Variants in CAPN3 observed in about 807,000 individuals in gnomAD.
The protein encoded by CAPN3 is calpain-3.
CAPN3 carries 88 observed loss-of-function variants against 114.0 expected under a neutral mutation model. The observed-to-expected ratio is 0.77, with a 90% CI of 0.65 to 0.92. The LOEUF is 0.92. CAPN3 is among the 40% of genes least tolerant of loss of function. CAPN3 has a pLI of 0.00. For missense variants in CAPN3, 1,028 were observed against 1,069.0 expected (o/e 0.96, Z 0.53); for synonymous variants, 386 against 382.9 (o/e 1.01, Z -0.09).
intron 1 of CAPN3, among the ~76,000 whole-genome samples, chr15:42,363,458 T>G (rs1395037544): frequency 1.3e-5 from 2 of 152,042 alleles, no homozygotes; most frequent in Admixed American, 1.3e-4. Context: ...GGTGGAAGGT[T>G]CAATTGCACC....
intron 5 of CAPN3, 107 bp from the exon 6 acceptor site, chr15:42,389,846 C>G: frequency 8.4e-7 from 1 of 1,184,110 alleles, no homozygotes; most frequent in Non-Finnish European, 1.2e-6. Context: ...TCTCCTCTCT[C>G]CCTTTGTCTG....
chr15:42,404,724 C>T, intron 14 of CAPN3: 8 of 1,158,442 alleles, frequency 6.9e-6, no homozygotes, highest in Non-Finnish European at 8.6e-6. Flanking sequence ...TGACGTAGGC[C>T]AATGGGAGGA....
At chr15:42,369,869 TC>T (rs1374562705) in intron 1 of CAPN3, among the ~76,000 whole-genome samples, 2,859 of 138,716 alleles carry the variant, frequency 0.021, 80 homozygotes, top group African/African-American at 0.074. Flanking sequence ...TTTCTTTCTT[TC>T]TTTTTTTTTT....
In CAPN3 at chr15:42,411,693, G is replaced by C. The variant is rs866034626; in HGVS notation, c.2440-54G>C. 401 of 708,648 alleles carry C rather than the reference G, an allele frequency of 5.7e-4. 9 individuals carry two copies. The highest frequency in any genetic ancestry group is 2.4e-3 in the East Asian group (69 of 28,252). 43.9% of individuals were successfully genotyped at this position (708,648 alleles called of 1,614,324 possible). On this transcript the variant is annotated intron_variant, in intron 23 of 23. Transcript: ENST00000397163. ...GCCCCGTAAGATTCCTAGGGCGGGGGGGGGGGGGGTCACTCTTTTCTGATC... is the reference window on the plus strand; with the variant it reads ...GCCCCGTAAGATTCCTAGGGCGGGGCGGGGGGGGGTCACTCTTTTCTGATC...
chr15:42,402,693 G>T, intron 12 of CAPN3, 101 bp from the exon 13 acceptor site: 1 of 1,571,864 alleles, frequency 6.4e-7, no homozygotes. Context: ...CTGTGACATG[G>T]GTGACCAGGG....
At chr15:42,403,650 G>A in intron 13 of CAPN3, 91 bp from the exon 14 acceptor site, 1 of 1,234,112 alleles carries the variant, frequency 8.1e-7, no homozygotes, top group Non-Finnish European at 1.2e-6. Context: ...TGGCTTGGCT[G>A]CCAGGAAGCC....
chr15:42,402,786 T>A lies in CAPN3; in HGVS notation c.1537-8T>A. ...GCTCATGTGCCCTGGGCTCTCCCCA[T>A]CTCTCAGATGCACGGGAACAAGCAG... is the stretch of plus-strand genomic sequence containing the variant. On this transcript the variant is annotated splice_region_variant and splice_polypyrimidine_tract_variant and intron_variant, in intron 12 of 23. Transcript: ENST00000397163. 1 of 1,613,846 alleles carries A rather than the reference T, an allele frequency of 6.2e-7. No homozygotes were observed. The highest frequency in any genetic ancestry group is 1.1e-5 in the South Asian group (1 of 91,062).
chr15:42,402,145 C>T lies in CAPN3; in HGVS notation c.1536+10C>T, dbSNP rs1436993078. 3 of 1,614,112 alleles carry T rather than the reference C, an allele frequency of 1.9e-6. No homozygotes were observed. Among genetic ancestry groups the T allele is most frequent in the African/African-American group, 2.7e-5 (2 of 75,046 alleles). ...CAAGGTTCCCAAAGAGGTATAGCAG[C>T]AGCAGCGGCCAGCAGTTGTGTGCAG... On this transcript the variant is annotated intron_variant, in intron 12 of 23. Coordinates refer to ENST00000397163, the MANE Select transcript of CAPN3 (RefSeq NM_000070.3).
intron 8 of CAPN3, among the ~76,000 whole-genome samples, chr15:42,396,545 C>T (rs1407322704): frequency 6.6e-6 from 1 of 152,048 alleles, no homozygotes; most frequent in African/African-American, 2.4e-5. Flanking sequence ...CAGCCCAGAA[C>T]TCAATTCTTA....
intron 1 of CAPN3, among the ~76,000 whole-genome samples, chr15:42,381,480 G>A (rs919681309): frequency 2.0e-5 from 3 of 151,986 alleles, no homozygotes; most frequent in Non-Finnish European, 2.9e-5. Flanking sequence ...TTCATTGCCC[G>A]AACACTATAG....
intron 7 of CAPN3, among the ~76,000 whole-genome samples, chr15:42,393,757 C>A (rs1490767539): frequency 1.3e-5 from 2 of 151,976 alleles, no homozygotes; most frequent in Non-Finnish European, 2.9e-5. Flanking sequence ...CCATGCCCAG[C>A]TAATTTTTGT....
chr15:42,390,215 T>A (rs1776650943), intron 6 of CAPN3, 119 bp downstream of exon 6: 2 of 1,134,480 alleles, frequency 1.8e-6, no homozygotes, highest in Non-Finnish European at 2.6e-6. Context: ...ACCTGGCACC[T>A]CCCAAGGGTC....
Position 42,412,259 on chromosome 15 carries a change from T to A in CAPN3, c.*486T>A. 7.3e-7 allele frequency: 1 copy of A among 1,377,072 alleles called. No homozygotes were observed. Among genetic ancestry groups the A allele is most frequent in the Non-Finnish European group, 9.9e-7 (1 of 1,010,394 alleles). The allele number at this position is 1,377,072 out of a possible 1,614,324, so 85.3% of individuals were successfully genotyped here. A position where few individuals can be genotyped will look rare whatever the true frequency, so the allele number is the denominator to read the frequency against. On this transcript the variant is annotated 3_prime_UTR_variant, in exon 24 of 24. Transcript: ENST00000397163. ...TGGTTACTTTGGGCTGTCCAACTCA[T>A]AAGTTTGGCTGCATTTTGAAAAAAG... is the stretch of plus-strand genomic sequence containing the variant.
At chr15:42,399,703 C>T (rs2053811869) in intron 10 of CAPN3, 51 bp downstream of exon 10, 2 of 1,460,764 alleles carry the variant, frequency 1.4e-6, no homozygotes, top group Admixed American at 2.0e-5. Flanking sequence ...AAGTTCCAGG[C>T]AGAAGAAGCC....
chr15:42,394,190 A>G, intron 7 of CAPN3, 66 bp from the exon 8 acceptor site: 3 of 1,445,422 alleles, frequency 2.1e-6, no homozygotes, highest in African/African-American at 1.4e-5. Flanking sequence ...CCCAGCCCTC[A>G]GCAAGACAGA....
In CAPN3 at chr15:42,359,512, C is replaced by G. The variant is rs534227768; in HGVS notation, c.-294C>G. 32 of 1,268,172 alleles carry G rather than the reference C, an allele frequency of 2.5e-5. No homozygotes were observed. The highest frequency in any genetic ancestry group is 3.1e-5 in the Non-Finnish European group (31 of 1,000,674). The allele number at this position is 1,268,172 out of a possible 1,614,324, so 78.6% of individuals were successfully genotyped here. A position where few individuals can be genotyped will look rare whatever the true frequency, so the allele number is the denominator to read the frequency against. On this transcript the variant is annotated 5_prime_UTR_variant, in exon 1 of 24. Coordinates refer to ENST00000397163, the MANE Select transcript of CAPN3 (RefSeq NM_000070.3). ...GAAACACAACCCTCACTCTCTTTCT[C>G]TCTCCCTCTGGCATGCATGCTGCTG...
At chr15:42,367,364 A>G (rs1157944506) in intron 1 of CAPN3, among the ~76,000 whole-genome samples, 1 of 152,196 alleles carries the variant, frequency 6.6e-6, no homozygotes, top group Non-Finnish European at 1.5e-5. Flanking sequence ...AGTGGTGTTC[A>G]AGACAATTCA....
At position 42,409,099 on chromosome 15, in the gene CAPN3, C is replaced by T. The variant is rs774973378; in HGVS notation, c.1915-204C>T. On this transcript the variant is annotated intron_variant, in intron 16 of 23. Coordinates refer to ENST00000397163, the MANE Select transcript of CAPN3 (RefSeq NM_000070.3). Reference sequence around the variant, plus strand: ...CCGCCATATCTCCTTTGGCTGGGGGCGTCAGGGCTGGAGAGGTGTGAAGAG... The same window carrying T: ...CCGCCATATCTCCTTTGGCTGGGGGTGTCAGGGCTGGAGAGGTGTGAAGAG... 2.2e-4 allele frequency: 133 copies of T among 603,892 alleles called. 1 individual carries two copies. The highest frequency in any genetic ancestry group is 1.4e-3 in the Admixed American group (53 of 37,536). 37.4% of individuals were successfully genotyped at this position (603,892 alleles called of 1,614,324 possible).
chr15:42,403,571 G>A (rs998549773), intron 13 of CAPN3, among the ~76,000 whole-genome samples, 170 bp from the exon 14 acceptor site: 2 of 152,084 alleles, frequency 1.3e-5, no homozygotes, highest in East Asian at 1.9e-4. Context: ...CTTGGCTGTC[G>A]GGGATGGTGC....
Sources: gnomAD v4.1 joint callset for allele counts (sites outside exome capture counted in the v4.1 genomes callset) on GRCh38, gnomAD v4.1.1 for gene constraint, MANE v1.5 for transcripts, NCBI Gene and HGNC (gene_info 2026-07-23, HGNC 2026-07-21) for gene names.